The following SURF2 variants were observed in gnomAD, a reference collection of about 807,000 sequenced individuals.
SURF2 encodes the protein surfeit locus protein 2.
Under a neutral mutation model 26.2 loss-of-function variants are expected in SURF2, and 32 were observed. The observed-to-expected ratio is 1.22, with a 90% CI of 0.92 to 1.64. SURF2 has a LOEUF of 1.64. Ranked by LOEUF, SURF2 falls within the 40% of genes most tolerant of loss-of-function variation. The pLI, the probability that SURF2 is intolerant of heterozygous loss-of-function variation, is 0.00. For missense variants in SURF2, 415 were observed against 341.6 expected, an observed-to-expected ratio of 1.21 and a Z score of -1.69; for synonymous variants, 173 against 139.1, an observed-to-expected ratio of 1.24 and a Z score of -1.71.
rs2130028374 is a variant in SURF2, at chr9:133,356,591, C to T, written c.-2C>T. 2.0e-6 allele frequency: 3 copies of T among 1,522,886 alleles called. No individual in the cohort carries two copies. Among genetic ancestry groups the T allele is most frequent in the Non-Finnish European group, 8.8e-7 (1 of 1,142,324 alleles). The allele number at this position is 1,522,886 out of a possible 1,614,324, so 94.3% of individuals were successfully genotyped here. A position where few individuals can be genotyped will look rare whatever the true frequency, so the allele number is the denominator to read the frequency against. ...CCGGGCTGCTCCGCGGGCGCGTCGGCCATGAGCGAGTTGCCGGGCGACGTG... is the reference window on the plus strand; with the variant it reads ...CCGGGCTGCTCCGCGGGCGCGTCGGTCATGAGCGAGTTGCCGGGCGACGTG... On this transcript the variant is annotated 5_prime_UTR_variant, in exon 1 of 6. Transcript: ENST00000371964.
rs140019280 is a variant in SURF2, at chr9:133,357,696, C to G, written c.234-15C>G. 1.2e-6 allele frequency: 2 copies of G among 1,613,102 alleles called. No homozygotes were observed. The highest frequency in any genetic ancestry group is 1.7e-5 in the Admixed American group (1 of 60,022). On this transcript the variant is annotated splice_polypyrimidine_tract_variant and intron_variant, in intron 2 of 5. Transcript: ENST00000371964. ...TGTGAACTGTCCCTACAAATTTGGT[C>G]TCTCTGCTCTGTAGGCACCAGTTGT...
chr9:133,356,727 GC>G, intron 1 of SURF2, 57 bp downstream of exon 1: 2 of 1,471,852 alleles, frequency 1.4e-6, no homozygotes, highest in South Asian at 1.3e-5. Flanking sequence ...GGGATGAGGG[GC>G]TGAGGGGAGG....
intron 3 of SURF2, among the ~76,000 whole-genome samples, chr9:133,359,469 C>T (rs1836694180): frequency 6.6e-6 from 1 of 152,242 alleles, no homozygotes; most frequent in African/African-American, 2.4e-5. Context: ...TGTCCCAACT[C>T]CCTTCTCACC....
Position 133,361,078 on chromosome 9 carries a change from A to G in SURF2, c.710A>G (p.Lys237Arg), listed in dbSNP as rs1836766860. 3 of 1,614,150 alleles carry G rather than the reference A, an allele frequency of 1.9e-6. No homozygotes were observed. The highest frequency in any genetic ancestry group is 2.5e-6 in the Non-Finnish European group (3 of 1,179,976). The change falls in exon 6 of 6, where the codon AAG becomes AGG. Residue 237 changes from lysine to arginine, a missense_variant. Transcript: ENST00000371964. ...CAGAAGCAGTTGGGCTCGTTGAAAA[A>G]GAAGTTCAAGAGTCATCACCGCAAA... ...RGKKQLGSLK[K>R]KFKSHHRKPK... is the part of the protein sequence containing the mutation.
chr9:133,360,439 G>A lies in SURF2; in HGVS notation c.687+5G>A. On this transcript the variant is annotated splice_donor_5th_base_variant and intron_variant, in intron 5 of 5. Transcript: ENST00000371964. ...CTGGTCCAGAAGCGCGGGAAGGTGA[G>A]CTGTCACCTCCTCTGTTAGTGTGGC... The A allele has an allele frequency of 6.2e-7, 1 of 1,601,048 alleles. No individual in the cohort carries two copies. Among genetic ancestry groups the A allele is most frequent in the Non-Finnish European group, 8.5e-7 (1 of 1,176,618 alleles).
Position 133,357,926 on chromosome 9 carries a change from A to G in SURF2, c.337+112A>G, listed in dbSNP as rs142185002. ...GTCCTTCAGCGATCCGTGTTGATGC[A>G]TCAGGCCTGTTTTTTGGCACAGTGA... On this transcript the variant is annotated intron_variant, in intron 3 of 5. Coordinates refer to ENST00000371964, the MANE Select transcript of SURF2 (RefSeq NM_017503.5). 303 of 1,009,944 alleles carry G rather than the reference A, an allele frequency of 3.0e-4. No homozygotes were observed. The African/African-American group carries it at 4.3e-3, about 14-fold the overall frequency. 62.6% of individuals were successfully genotyped at this position (1,009,944 alleles called of 1,614,324 possible). A position where few individuals can be genotyped will look rare whatever the true frequency, so the allele number is the denominator to read the frequency against.
In SURF2 at chr9:133,356,861, C is replaced by A. The variant is rs185357112; in HGVS notation, c.79-53C>A. The A allele has an allele frequency of 1.1e-4, 162 of 1,492,852 alleles. No homozygotes were observed. In the African/African-American group the frequency reaches 1.9e-3, roughly 18 times the overall value. 92.5% of individuals were successfully genotyped at this position (1,492,852 alleles called of 1,614,324 possible). Reference sequence around the variant, plus strand: ...AAGGGGGCGCGGCAGGAGGGGGCACCAGGGAGCGGAGCCCTGGCCCTCCTG... The same window carrying A: ...AAGGGGGCGCGGCAGGAGGGGGCACAAGGGAGCGGAGCCCTGGCCCTCCTG... On this transcript the variant is annotated intron_variant, in intron 1 of 5. Transcript: ENST00000371964.
chr9:133,357,386 C>T (rs190065472), intron 2 of SURF2, among the ~76,000 whole-genome samples: 2 of 152,326 alleles, frequency 1.3e-5, no homozygotes, highest in East Asian at 3.9e-4. Context: ...GGGAGCTAGG[C>T]TTTGTAATAA....
rs139428144 is a variant in SURF2 at position 133,356,661 on chromosome 9, C to T, written c.69C>T (p.Asp23=). 22,467 of 1,520,880 alleles carry T rather than the reference C, an allele frequency of 0.015. 188 individuals are homozygous for T. Among genetic ancestry groups the T allele is most frequent in the East Asian group, 0.023 (918 of 39,296 alleles). The allele number at this position is 1,520,880 out of a possible 1,614,324, so 94.2% of individuals were successfully genotyped here. Residue 23 remains aspartate, a synonymous_variant, in exon 1 of 6, where the codon GAC becomes GAT. Transcript: ENST00000371964. ...ACCCGAGCCTGCGGCTCCAGACGGA[C>T]GCCCGCAAGGTTCGCAGCGCGGGAG... The part of the protein sequence containing the change: ...REHPSLRLQT[D]ARKVRCILTG...
rs1277367424 is a variant in SURF2, at chr9:133,359,924, CCAG to C, written c.338-23_338-21del. The stretch of plus-strand genomic sequence containing the variant: ...AGGACCGTGGGGGGTGTGGAGGTAC[CCAG>C]CACGTGCTGGCTTATCTCCCAGATG... On this transcript the variant is annotated intron_variant, in intron 3 of 5. Coordinates refer to ENST00000371964, the MANE Select transcript of SURF2 (RefSeq NM_017503.5). The C allele has an allele frequency of 2.5e-6, 4 of 1,586,138 alleles. No homozygotes were observed. In the African/African-American group the frequency reaches 5.4e-5, roughly 21 times the overall value.
chr9:133,357,558 A>T (rs1588695395), intron 2 of SURF2, among the ~76,000 whole-genome samples, 153 bp from the exon 3 acceptor site: 2 of 152,084 alleles, frequency 1.3e-5, no homozygotes, highest in Non-Finnish European at 2.9e-5. Flanking sequence ...ACGGTTCCCC[A>T]CCCAGCTTCA....
rs2130045700 is a variant in SURF2, at chr9:133,359,981, C to G, written c.369C>G (p.Tyr123Ter). Reference protein sequence around the residue: ...YEECQKQGVEYVPACLVHRRR... With the variant: ...YEECQKQGVE ...AATGTCAGAAGCAAGGGGTGGAGTA[C>G]GTGCCTGCCTGCCTGGTGCACCGGA... Residue 123 changes from tyrosine to a stop codon, truncating the protein, a stop_gained, in exon 4 of 6, where the codon TAC (tyrosine) becomes TAG (stop). Transcript: ENST00000371964. LOFTEE classifies it high-confidence loss of function. 3 of 1,613,214 alleles carry G rather than the reference C, an allele frequency of 1.9e-6. No individual in the cohort carries two copies. Among genetic ancestry groups the G allele is most frequent in the Non-Finnish European group, 2.5e-6 (3 of 1,179,494 alleles).
In SURF2 at chr9:133,356,656, A is replaced by G; in HGVS notation, c.64A>G (p.Thr22Ala). The change falls in exon 1 of 6, where the codon ACG (threonine) becomes GCG (alanine). Residue 22 changes from threonine (T) to alanine (A), a missense_variant. Thr to Ala is a moderately conservative substitution (Grantham distance 58). Coordinates refer to ENST00000371964, the MANE Select transcript of SURF2 (RefSeq NM_017503.5). ...GGAGCACCCGAGCCTGCGGCTCCAG[A>G]CGGACGCCCGCAAGGTTCGCAGCGC... ...LREHPSLRLQ[T>A]DARKVRCILT... 1 of 1,523,424 alleles carries G rather than the reference A, an allele frequency of 6.6e-7. No homozygotes were observed. The highest frequency in any genetic ancestry group is 1.2e-5 in the South Asian group (1 of 83,004). The allele number at this position is 1,523,424 out of a possible 1,614,324, so 94.4% of individuals were successfully genotyped here. A position where few individuals can be genotyped will look rare whatever the true frequency, so the allele number is the denominator to read the frequency against.
rs2130029547 is a variant in SURF2 at position 133,356,677 on chromosome 9, A to T, written c.78+7A>T. 4.0e-6 allele frequency: 6 copies of T among 1,511,630 alleles called. No individual in the cohort carries two copies. In the South Asian group the frequency reaches 6.1e-5, roughly 15 times the overall value. The allele number at this position is 1,511,630 out of a possible 1,614,324, so 93.6% of individuals were successfully genotyped here. A position where few individuals can be genotyped will look rare whatever the true frequency, so the allele number is the denominator to read the frequency against. Reference sequence around the variant, plus strand: ...CCAGACGGACGCCCGCAAGGTTCGCAGCGCGGGAGGGGAACGGAGTGGCGG... The same window carrying T: ...CCAGACGGACGCCCGCAAGGTTCGCTGCGCGGGAGGGGAACGGAGTGGCGG... On this transcript the variant is annotated splice_region_variant and intron_variant, in intron 1 of 5. Transcript: ENST00000371964.
At chr9:133,357,089 C>T (rs1836627571) in intron 2 of SURF2, 21 bp downstream of exon 2, 3 of 1,540,740 alleles carry the variant, frequency 1.9e-6, no homozygotes, top group African/African-American at 1.4e-5. Flanking sequence ...CGCGGCGGCG[C>T]GGGGAGGCCC....
chr9:133,356,730 G>T, intron 1 of SURF2, 60 bp downstream of exon 1: 1 of 1,459,046 alleles, frequency 6.9e-7, no homozygotes, highest in South Asian at 1.3e-5. Context: ...ATGAGGGGCT[G>T]AGGGGAGGGC....
Position 133,359,980 on chromosome 9 carries a change from A to G in SURF2, c.368A>G (p.Tyr123Cys). 6.2e-7 allele frequency: 1 copy of G among 1,613,470 alleles called. No homozygotes were observed. Among genetic ancestry groups the G allele is most frequent in the African/African-American group, 1.3e-5 (1 of 75,056 alleles). ...YEECQKQGVE[Y>C]VPACLVHRRR... ...GAATGTCAGAAGCAAGGGGTGGAGT[A>G]CGTGCCTGCCTGCCTGGTGCACCGG... Residue 123 changes from tyrosine to cysteine, a missense_variant, in exon 4 of 6, where the codon TAC (tyrosine) becomes TGC (cysteine). Transcript: ENST00000371964.
chr9:133,359,738 C>A (rs1836703551), intron 3 of SURF2, among the ~76,000 whole-genome samples: 2 of 152,244 alleles, frequency 1.3e-5, no homozygotes, highest in Admixed American at 1.3e-4. Context: ...AGACCTCTAC[C>A]ATCTTCTTGC....
At position 133,356,648 on chromosome 9, in the gene SURF2, G is replaced by A; in HGVS notation, c.56G>A (p.Arg19Gln). Residue 19 changes from arginine (R) to glutamine (Q), a missense_variant, in exon 1 of 6, where the codon CGG (arginine) becomes CAG (glutamine). Coordinates refer to ENST00000371964, the MANE Select transcript of SURF2 (RefSeq NM_017503.5). ...TTTCTGCGGGAGCACCCGAGCCTGCGGCTCCAGACGGACGCCCGCAAGGTT... is the reference window on the plus strand; with the variant it reads ...TTTCTGCGGGAGCACCCGAGCCTGCAGCTCCAGACGGACGCCCGCAAGGTT... Reference protein sequence around the residue: ...RAFLREHPSLRLQTDARKVRC... With the variant: ...RAFLREHPSLQLQTDARKVRC... 1 of 1,525,702 alleles carries A rather than the reference G, an allele frequency of 6.6e-7. No individual in the cohort carries two copies. The highest frequency in any genetic ancestry group is 8.7e-7 in the Non-Finnish European group (1 of 1,143,184). 94.5% of individuals were successfully genotyped at this position (1,525,702 alleles called of 1,614,324 possible).
Sources: allele counts gnomAD v4.1 joint callset (sites outside exome capture counted in the v4.1 genomes callset), GRCh38; gene constraint gnomAD v4.1.1; transcripts MANE v1.5; gene names NCBI Gene and HGNC (gene_info 2026-07-23, HGNC 2026-07-21).